Variants in HPSE2 observed in about 807,000 individuals in gnomAD.
HPSE2 encodes the protein inactive heparanase-2.
In HPSE2, 38 loss-of-function variants were observed where a neutral mutation model predicts 60.5. The ratio of observed to expected loss-of-function variants is 0.63; its 90% CI spans 0.48 to 0.82. The LOEUF is 0.82. Ranked by LOEUF, HPSE2 falls within the 40% of genes least tolerant of loss-of-function variation. The probability of loss-of-function intolerance (pLI) is 0.00; values close to 1 mark genes in which losing one functional copy is unlikely to be tolerated. For synonymous variants in HPSE2, 295 were observed against 293.2 expected, an observed-to-expected ratio of 1.01 and a Z score of -0.06; for missense variants, 713 against 740.4, an observed-to-expected ratio of 0.96 and a Z score of 0.43.
chr10:98,966,177 C>T (rs1332242995), intron 3 of HPSE2, among the ~76,000 whole-genome samples: 1 of 152,204 alleles, frequency 6.6e-6, no homozygotes, highest in Non-Finnish European at 1.5e-5. Context: ...AGGCGTGAGC[C>T]ACTGTGCCTG....
chr10:98,688,466 TTTTTTTTTTTC>T (rs1459665945), intron 6 of HPSE2, among the ~76,000 whole-genome samples: 7 of 16,720 alleles, frequency 4.2e-4, no homozygotes, highest in East Asian at 2.0e-3. Context: ...TTAGCATTTC[TTTTTTTTTTTC>T]TTTTTTTTTT....
At chr10:99,200,654 A>G (rs1233772666) in intron 2 of HPSE2, among the ~76,000 whole-genome samples, 3 of 139,240 alleles carry the variant, frequency 2.2e-5, no homozygotes, top group Non-Finnish European at 4.8e-5. Context: ...AAATGTTTTA[A>G]TAAGTATCAT....
chr10:99,291,298 C>G, the HPSE2 span, among the ~76,000 whole-genome samples: 4 of 152,116 alleles, frequency 2.6e-5, no homozygotes, highest in African/African-American at 9.7e-5. Flanking sequence ...AAAGAATCAC[C>G]ACATGGGCCA....
intron 9 of HPSE2, among the ~76,000 whole-genome samples, chr10:98,597,588 T>G (rs1254956369): frequency 6.6e-6 from 1 of 151,754 alleles, no homozygotes; most frequent in Non-Finnish European, 1.5e-5. Flanking sequence ...GAAGAATCGT[T>G]TGAACCCAGG....
chr10:98,555,368 G>A (rs1419193934), intron 9 of HPSE2, among the ~76,000 whole-genome samples: 4 of 152,106 alleles, frequency 2.6e-5, no homozygotes, highest in Non-Finnish European at 4.4e-5. Flanking sequence ...TGCAGCCTCC[G>A]CTTTCCTGCA....
chr10:98,480,099 T>G (rs1234369652), intron 11 of HPSE2, among the ~76,000 whole-genome samples: 1 of 151,830 alleles, frequency 6.6e-6, no homozygotes, highest in Admixed American at 6.6e-5. Context: ...CTACATTTTT[T>G]TTTTTTTGAG....
intron 3 of HPSE2, among the ~76,000 whole-genome samples, chr10:98,809,349 C>G (rs1368006494): frequency 6.6e-6 from 1 of 151,990 alleles, no homozygotes; most frequent in Non-Finnish European, 1.5e-5. Flanking sequence ...TTCCATAATA[C>G]AACCTTTTAA....
At chr10:99,239,430 T>TG (rs1849910821), upstream of HPSE2, among the ~76,000 whole-genome samples, 1 of 131,702 alleles carries the variant, frequency 7.6e-6, no homozygotes, top group Non-Finnish European at 1.6e-5. Context: ...TTTTTTTTTT[T>TG]TTTTTTTTTT....
chr10:98,976,750 G>T (rs1245574110), intron 3 of HPSE2, among the ~76,000 whole-genome samples: 1 of 143,722 alleles, frequency 7.0e-6, no homozygotes, highest in Admixed American at 6.9e-5. Flanking sequence ...AAAAAAAAAA[G>T]TCATTCAAAA....
chr10:98,965,762 A>G (rs1380803519), intron 3 of HPSE2, among the ~76,000 whole-genome samples: 1 of 152,216 alleles, frequency 6.6e-6, no homozygotes, highest in Non-Finnish European at 1.5e-5. Context: ...GTTGTCTTGC[A>G]TCATCAACTT....
intron 2 of HPSE2, among the ~76,000 whole-genome samples, chr10:99,229,988 T>A (rs1246874060): frequency 6.6e-6 from 1 of 152,164 alleles, no homozygotes; most frequent in African/African-American, 2.4e-5. Context: ...ACAAAGACAG[T>A]ATGGGTAATT....
In HPSE2 at chr10:98,721,813, C is replaced by G. The variant is rs759726862; in HGVS notation, c.800G>C (p.Arg267Pro). ...WELGNEPNNY[R>P]TMHGRAVNGS... ...ATTTACTGCCCGGCCATGCATGGTCCGATAGTTATTTGGCTCTAGATTAAA... is the reference window on the plus strand; with the variant it reads ...ATTTACTGCCCGGCCATGCATGGTCGGATAGTTATTTGGCTCTAGATTAAA... Residue 267 changes from arginine (R) to proline (P), a missense_variant, in exon 5 of 12, where the codon CGG (arginine) becomes CCG (proline). Physicochemically the swap from Arg to Pro is moderately radical, Grantham distance 103 (BLOSUM62 -2). Transcript: ENST00000370552. 1 of 1,612,558 alleles carries G rather than the reference C, an allele frequency of 6.2e-7. No individual in the cohort carries two copies. The highest frequency in any genetic ancestry group is 1.1e-5 in the South Asian group (1 of 91,034).
chr10:99,000,352 A>G (rs934510563), intron 3 of HPSE2, among the ~76,000 whole-genome samples: 4 of 152,188 alleles, frequency 2.6e-5, no homozygotes, highest in African/African-American at 7.2e-5. Context: ...GTGCCTCATG[A>G]AAATGTTTTG....
intron 3 of HPSE2, among the ~76,000 whole-genome samples, chr10:99,120,598 T>G (rs4397773): frequency 6.6e-6 from 1 of 151,726 alleles, no homozygotes; most frequent in Non-Finnish European, 1.5e-5. Flanking sequence ...CTCAGCCTCC[T>G]GAGTAGCTGG....
At chr10:98,960,552 A>G (rs1008087865) in intron 3 of HPSE2, among the ~76,000 whole-genome samples, 35 of 151,988 alleles carry the variant, frequency 2.3e-4, no homozygotes, top group Admixed American at 5.2e-4. Context: ...TAATTATTAT[A>G]CAACCTGAAA....
chr10:99,272,269 CAA>C, the HPSE2 span, among the ~76,000 whole-genome samples: 4 of 137,878 alleles, frequency 2.9e-5, no homozygotes, highest in Admixed American at 7.3e-5. Flanking sequence ...GACTCCATCT[CAA>C]AAAAAAAAAA....
intron 3 of HPSE2, among the ~76,000 whole-genome samples, chr10:98,903,031 A>C (rs1953709671): frequency 1.3e-5 from 2 of 152,186 alleles, no homozygotes; most frequent in Non-Finnish European, 2.9e-5. Flanking sequence ...CTAAATGTCC[A>C]TCAGCAGCAG....
intron 5 of HPSE2, among the ~76,000 whole-genome samples, chr10:98,705,099 T>A (rs1948511188): frequency 6.6e-6 from 1 of 152,092 alleles, no homozygotes; most frequent in Non-Finnish European, 1.5e-5. Context: ...GCAAAGGATA[T>A]GAACAGACAC....
At chr10:98,592,872 C>T (rs918132564) in intron 9 of HPSE2, among the ~76,000 whole-genome samples, 1 of 152,110 alleles carries the variant, frequency 6.6e-6, no homozygotes, top group Admixed American at 6.6e-5. Flanking sequence ...GCCATTCTGT[C>T]CATTTTATAG....
Sources: allele counts gnomAD v4.1 joint callset (sites outside exome capture counted in the v4.1 genomes callset), GRCh38; gene constraint gnomAD v4.1.1; transcripts MANE v1.5; gene names NCBI Gene and HGNC (gene_info 2026-07-23, HGNC 2026-07-21).